Variants in TRPS1 observed in about 807,000 individuals in gnomAD.
The protein encoded by TRPS1 is zinc finger transcription factor Trps1.
In TRPS1, 6 loss-of-function variants were observed where a neutral mutation model predicts 101.2. The observed-to-expected ratio is 0.06, with a 90% CI of 0.03 to 0.12. The LOEUF (loss-of-function observed/expected upper bound fraction) is 0.12. Ranked by LOEUF, TRPS1 falls within the 10% of genes least tolerant of loss-of-function variation. The pLI, the probability that TRPS1 is intolerant of heterozygous loss-of-function variation, is 1.00. For missense variants in TRPS1, 1,363 were observed against 1,567.0 expected, an observed-to-expected ratio of 0.87 and a Z score of 2.20; for synonymous variants, 578 against 589.8, an observed-to-expected ratio of 0.98 and a Z score of 0.29.
chr8:115,584,742 A>G (rs1323940099), intron 5 of TRPS1, among the ~76,000 whole-genome samples: 2 of 152,000 alleles, frequency 1.3e-5, no homozygotes, highest in African/African-American at 2.4e-5. Context: ...CAAATTCACA[A>G]TGAGAATGGG....
chr8:115,555,046 C>T (rs888823027), intron 5 of TRPS1, among the ~76,000 whole-genome samples: 2 of 152,150 alleles, frequency 1.3e-5, no homozygotes, highest in African/African-American at 4.8e-5. Flanking sequence ...CCTATCTCTT[C>T]CCAAAGTATC....
At chr8:115,447,767 A>C (rs549872137) in intron 5 of TRPS1, among the ~76,000 whole-genome samples, 4 of 152,158 alleles carry the variant, frequency 2.6e-5, no homozygotes, top group Non-Finnish European at 5.9e-5. Flanking sequence ...AACTTTTGTG[A>C]TTAAATACTT....
chr8:115,475,275 TATATATATATATATATATATATA>T (rs1198702306), intron 5 of TRPS1, among the ~76,000 whole-genome samples: 1 of 51,200 alleles, frequency 2.0e-5, no homozygotes, highest in African/African-American at 7.3e-5. Context: ...GTTATATATA[TATATATATATATATATATATATA>T]TATATATTTG....
In TRPS1 at chr8:115,519,847, TATA is replaced by T. The variant is rs745877589; in HGVS notation, c.2700+67151_2700+67153del. 1.5e-4 allele frequency among the ~76,000 whole-genome samples: 23 copies of T among 151,830 alleles called. No individual in the cohort carries two copies. The South Asian group carries it at 4.4e-3, about 29-fold the overall frequency. On this transcript the variant is annotated intron_variant, in intron 5 of 6. Transcript: ENST00000395715. Reference sequence around the variant, plus strand: ...GAAAAGAAGAATTAATTATATTGAATATAATGTTTTTCCAAAACTCTAAAATAT... The same window carrying T: ...GAAAAGAAGAATTAATTATATTGAATATGTTTTTCCAAAACTCTAAAATAT...
At chr8:115,633,109 T>C (rs1448856423) in intron 1 of TRPS1, among the ~76,000 whole-genome samples, 1 of 152,048 alleles carries the variant, frequency 6.6e-6, no homozygotes. Flanking sequence ...TGGAGTGGAA[T>C]GGGTCATTGA....
chr8:115,556,927 T>C (rs1289682744), intron 5 of TRPS1, among the ~76,000 whole-genome samples: 1 of 152,196 alleles, frequency 6.6e-6, no homozygotes, highest in Non-Finnish European at 1.5e-5. Context: ...GTTGTATTAG[T>C]ATGCTTTCAT....
chr8:115,425,015 A>G (rs558134681), intron 5 of TRPS1, among the ~76,000 whole-genome samples: 15 of 152,274 alleles, frequency 9.9e-5, no homozygotes, highest in African/African-American at 3.6e-4. Flanking sequence ...AGTAGACCCT[A>G]TGGAATATAC....
intron 5 of TRPS1, among the ~76,000 whole-genome samples, chr8:115,544,469 G>T (rs941205723): frequency 6.6e-6 from 1 of 151,960 alleles, no homozygotes; most frequent in Non-Finnish European, 1.5e-5. Context: ...TGAGGATGTT[G>T]CTAGAGCTAT....
chr8:115,515,075 G>A (rs1306556501), intron 5 of TRPS1: 6 of 578,134 alleles, frequency 1.0e-5, no homozygotes, highest in Non-Finnish European at 1.9e-5. Flanking sequence ...ATTTGTTGAG[G>A]ACTCAAGAGA....
At chr8:115,488,721 A>C (rs1356828656) in intron 5 of TRPS1, among the ~76,000 whole-genome samples, 3 of 152,110 alleles carry the variant, frequency 2.0e-5, no homozygotes, top group Non-Finnish European at 4.4e-5. Flanking sequence ...TTTTTCAAAG[A>C]GCTTCTCTAG....
At chr8:115,511,708 C>G (rs561024422) in intron 5 of TRPS1, among the ~76,000 whole-genome samples, 62 of 151,924 alleles carry the variant, frequency 4.1e-4, no homozygotes, top group African/African-American at 1.4e-3. Context: ...AGTGAGAGGA[C>G]AACAGTTTAT....
In TRPS1 at chr8:115,661,435, G is replaced by C. The variant is rs138115026; in HGVS notation, c.-122+7110C>G. The C allele has an allele frequency of 2.6e-3, 393 of 151,996 alleles. 3 individuals carry two copies. Among genetic ancestry groups the C allele is most frequent in the African/African-American group, 8.9e-3 (371 of 41,500 alleles). The allele number at this position is 151,996 out of a possible 1,614,324, so 9.4% of individuals were successfully genotyped here. A position where few individuals can be genotyped will look rare whatever the true frequency, so the allele number is the denominator to read the frequency against. The stretch of plus-strand genomic sequence containing the variant: ...CCTATAATAGCATGCACATATATTG[G>C]CAATAATTCAAACATAGCAAAGCTA... On this transcript the variant is annotated intron_variant, in intron 1 of 6. Transcript: ENST00000395715.
chr8:115,426,227 AC>A (rs1361676098), intron 5 of TRPS1, among the ~76,000 whole-genome samples: 1 of 152,200 alleles, frequency 6.6e-6, no homozygotes, highest in East Asian at 1.9e-4. Flanking sequence ...GCACAGTTAA[AC>A]AATTTTAGCA....
intron 5 of TRPS1, among the ~76,000 whole-genome samples, chr8:115,549,367 T>A (rs540767231): frequency 5.3e-5 from 8 of 152,242 alleles, no homozygotes; most frequent in African/African-American, 1.7e-4. Context: ...CAATTATGTT[T>A]CCAATATGAC....
At chr8:115,448,461 C>T (rs34112856) in intron 5 of TRPS1, among the ~76,000 whole-genome samples, 3 of 152,228 alleles carry the variant, frequency 2.0e-5, no homozygotes, top group East Asian at 1.9e-4. Flanking sequence ...TCTGTCAGAA[C>T]GAGTGCTGAC....
chr8:115,590,554 GAA>G (rs1817657585), intron 4 of TRPS1, among the ~76,000 whole-genome samples: 1 of 152,116 alleles, frequency 6.6e-6, no homozygotes. Flanking sequence ...TATATGAAAA[GAA>G]ATACAAAATT....
intron 5 of TRPS1, among the ~76,000 whole-genome samples, chr8:115,539,125 G>A (rs191870662): frequency 1.3e-5 from 2 of 152,108 alleles, no homozygotes; most frequent in East Asian, 1.9e-4. Context: ...AATGTATTGA[G>A]GGCCTATAAT....
chr8:115,585,393 A>T (rs575000419), intron 5 of TRPS1, among the ~76,000 whole-genome samples: 19 of 152,218 alleles, frequency 1.2e-4, no homozygotes, highest in Non-Finnish European at 2.4e-4. Context: ...TTCCAGAAAC[A>T]GTCAAACAAT....
intron 5 of TRPS1, among the ~76,000 whole-genome samples, chr8:115,520,029 A>G (rs1472495107): frequency 6.6e-6 from 1 of 151,740 alleles, no homozygotes; most frequent in Non-Finnish European, 1.5e-5. Flanking sequence ...ATAAGCATCT[A>G]GATTCTAAAC....
Sources: gnomAD v4.1 joint callset for allele counts (sites outside exome capture counted in the v4.1 genomes callset) on GRCh38, gnomAD v4.1.1 for gene constraint, MANE v1.5 for transcripts, NCBI Gene and HGNC (gene_info 2026-07-23, HGNC 2026-07-21) for gene names.